The following TRHR variants were observed in gnomAD, a reference collection of about 807,000 sequenced individuals.
The protein encoded by TRHR is thyrotropin-releasing hormone receptor.
A neutral mutation model predicts 28.0 loss-of-function variants in TRHR; 14 were observed. The ratio of observed to expected loss-of-function variants is 0.50; its 90% CI spans 0.33 to 0.78. The LOEUF (loss-of-function observed/expected upper bound fraction) is 0.78, where lower values mean the gene tolerates loss of function less well. TRHR is among the 30% of genes least tolerant of loss of function. TRHR has a pLI of 0.02. For synonymous variants in TRHR, 176 were observed against 171.9 expected (o/e 1.02, Z -0.18); for missense variants, 438 against 469.5 (o/e 0.93, Z 0.62).
intron 2 of TRHR, among the ~76,000 whole-genome samples, chr8:109,093,155 T>C (rs549554894): frequency 6.6e-6 from 1 of 152,190 alleles, no homozygotes; most frequent in South Asian, 2.1e-4. Context: ...GCTGAAGTCA[T>C]ATGAGATATA....
intron 2 of TRHR, among the ~76,000 whole-genome samples, chr8:109,098,961 G>A (rs1307192601): frequency 1.3e-5 from 2 of 152,152 alleles, no homozygotes; most frequent in Admixed American, 6.5e-5. Context: ...TGGCAGAAAC[G>A]TGATCCTATT....
chr8:109,105,741 C>T (rs563940578), intron 2 of TRHR, among the ~76,000 whole-genome samples: 5 of 152,166 alleles, frequency 3.3e-5, no homozygotes, highest in African/African-American at 1.2e-4. Flanking sequence ...TGTATTGAAT[C>T]CATATGTTTT....
chr8:109,097,090 A>C (rs976752071), intron 2 of TRHR, among the ~76,000 whole-genome samples: 6 of 152,208 alleles, frequency 3.9e-5, no homozygotes, highest in Non-Finnish European at 8.8e-5. Flanking sequence ...CTGATTTGGA[A>C]ACATGGCAAA....
intron 2 of TRHR, among the ~76,000 whole-genome samples, chr8:109,105,439 A>G (rs986677824): frequency 5.9e-5 from 9 of 152,194 alleles, no homozygotes; most frequent in African/African-American, 2.2e-4. Flanking sequence ...CCACAAAAAT[A>G]TGTTGAATAC....
At chr8:109,091,458 A>T (rs977185666) in intron 2 of TRHR, among the ~76,000 whole-genome samples, 4 of 152,198 alleles carry the variant, frequency 2.6e-5, no homozygotes, top group Non-Finnish European at 4.4e-5. Flanking sequence ...CACCTTCTAT[A>T]GCCAAAGGAC....
chr8:109,112,794 GGTAGCTAAC>G (rs1336577687), intron 2 of TRHR, among the ~76,000 whole-genome samples: 1 of 152,086 alleles, frequency 6.6e-6, no homozygotes, highest in Non-Finnish European at 1.5e-5. Context: ...ACCTTGGTTG[GGTAGCTAAC>G]TTTGATACTT....
chr8:109,094,777 G>A (rs1811564916), intron 2 of TRHR, among the ~76,000 whole-genome samples: 2 of 151,764 alleles, frequency 1.3e-5, no homozygotes, highest in African/African-American at 2.4e-5. Flanking sequence ...TTCACTAGCA[G>A]ATAAAAATAA....
chr8:109,116,477 A>G (rs566770404), intron 2 of TRHR, among the ~76,000 whole-genome samples: 1 of 152,230 alleles, frequency 6.6e-6, no homozygotes, highest in African/African-American at 2.4e-5. Context: ...CCTCAATTTC[A>G]GAGCCTGTTA....
At chr8:109,087,234 T>G (rs2129860269) in intron 1 of TRHR, among the ~76,000 whole-genome samples, 191 bp from the exon 2 acceptor site, 1 of 151,752 alleles carries the variant, frequency 6.6e-6, no homozygotes, top group African/African-American at 2.4e-5. Flanking sequence ...TCCCTCTTAA[T>G]GTGAGCTGGT....
Position 109,121,082 on chromosome 8 carries a change from C to CT in TRHR, c.*1639dup, listed in dbSNP as rs397691686. 0.41 allele frequency among the ~76,000 whole-genome samples: 58,885 copies of CT among 144,156 alleles called. 12,061 individuals carry two copies. Among genetic ancestry groups the CT allele is most frequent in the Admixed American group, 0.51 (7,358 of 14,480 alleles). The allele number at this position is 144,156 out of a possible 152,430, so 94.6% of individuals were successfully genotyped here. On this transcript the variant is annotated 3_prime_UTR_variant, in exon 3 of 3. Coordinates refer to ENST00000518632, the MANE Select transcript of TRHR (RefSeq NM_003301.7). ...ATCCAGAACCTCATTCTAGAGTGCG[C>CT]TTTTTTTTTTTTGAAAATTGGCCTT...
In TRHR at chr8:109,087,726, C is replaced by T. The variant is rs1422193161; in HGVS notation, c.214C>T (p.Leu72Phe). The T allele has an allele frequency of 6.2e-7, 1 of 1,614,040 alleles. No individual in the cohort carries two copies. The highest frequency in any genetic ancestry group is 2.2e-5 in the East Asian group (1 of 44,892). ...CYLVSLAVAD[L>F]MVLVAAGLPN... Reference sequence around the variant, plus strand: ...CCTGGTGAGCCTGGCAGTAGCTGATCTCATGGTCTTGGTGGCCGCAGGCCT... The same window carrying T: ...CCTGGTGAGCCTGGCAGTAGCTGATTTCATGGTCTTGGTGGCCGCAGGCCT... Residue 72 changes from leucine to phenylalanine, a missense_variant, in exon 2 of 3, where the codon CTC (leucine) becomes TTC (phenylalanine). By Grantham distance (22) the Leu-to-Phe change is conservative. Transcript: ENST00000518632.
At chr8:109,092,193 A>G (rs1430663552) in intron 2 of TRHR, among the ~76,000 whole-genome samples, 1 of 152,086 alleles carries the variant, frequency 6.6e-6, no homozygotes, top group Non-Finnish European at 1.5e-5. Flanking sequence ...AGTTGCTTCA[A>G]TAATTTTTTT....
In TRHR at chr8:109,099,857, G is replaced by A. The variant is rs77626592; in HGVS notation, c.789+11556G>A. Among the ~76,000 whole-genome samples the A allele has an allele frequency of 6.6e-4, 101 of 152,194 alleles. No homozygotes were observed. The East Asian group carries it at 0.017, about 26-fold the overall frequency. On this transcript the variant is annotated intron_variant, in intron 2 of 2. Transcript: ENST00000518632. ...ATCATCCTATGCCTCTCCATTCTGG[G>A]CCTTTGTTGTTTGAGTTTTATGAGG...
At chr8:109,109,926 C>G (rs1367044997) in intron 2 of TRHR, among the ~76,000 whole-genome samples, 1 of 152,122 alleles carries the variant, frequency 6.6e-6, no homozygotes, top group Non-Finnish European at 1.5e-5. Context: ...TTTGGTGATG[C>G]TAAGTTATTT....
intron 2 of TRHR, among the ~76,000 whole-genome samples, chr8:109,109,919 G>A (rs531729042): frequency 2.0e-4 from 30 of 152,246 alleles, no homozygotes; most frequent in Admixed American, 1.3e-3. Flanking sequence ...ACGTACATTT[G>A]GTGATGCTAA....
chr8:109,098,061 T>C (rs1212551795), intron 2 of TRHR, among the ~76,000 whole-genome samples: 1 of 152,110 alleles, frequency 6.6e-6, no homozygotes, highest in Non-Finnish European at 1.5e-5. Context: ...CTCTGCACTG[T>C]AGGCAAGAAG....
intron 2 of TRHR, among the ~76,000 whole-genome samples, chr8:109,114,778 G>C (rs577652661): frequency 2.0e-5 from 3 of 151,874 alleles, no homozygotes; most frequent in African/African-American, 4.8e-5. Context: ...TTATATCAAG[G>C]GTTCTCTTAG....
At chr8:109,097,750 C>T (rs555782837) in intron 2 of TRHR, among the ~76,000 whole-genome samples, 1 of 152,302 alleles carries the variant, frequency 6.6e-6, no homozygotes, top group Admixed American at 6.5e-5. Context: ...CCAAGACCAC[C>T]ACCAACACCT....
chr8:109,105,576 A>G (rs1258051560), intron 2 of TRHR, among the ~76,000 whole-genome samples: 1 of 152,172 alleles, frequency 6.6e-6, no homozygotes, highest in African/African-American at 2.4e-5. Flanking sequence ...GGAATAAAAA[A>G]CAAATGCCCA....
Sources: allele counts gnomAD v4.1 joint callset (sites outside exome capture counted in the v4.1 genomes callset), GRCh38; gene constraint gnomAD v4.1.1; transcripts MANE v1.5; gene names NCBI Gene and HGNC (gene_info 2026-07-23, HGNC 2026-07-21).